PAH: variants seen among roughly 807,000 people sequenced by gnomAD.
PAH encodes phenylalanine hydroxylase.
In PAH, 64 loss-of-function variants were observed where a neutral mutation model predicts 62.0. The observed-to-expected ratio is 1.03, with a 90% CI of 0.84 to 1.27. The LOEUF is 1.27. Ranked by LOEUF, PAH falls within the 50% of genes most tolerant of loss-of-function variation. The pLI is 0.00. For missense variants in PAH, 579 were observed against 542.8 expected, an observed-to-expected ratio of 1.07 and a Z score of -0.66; for synonymous variants, 195 against 196.2, an observed-to-expected ratio of 0.99 and a Z score of 0.05.
intron 6 of PAH, among the ~76,000 whole-genome samples, chr12:102,853,620 A>G (rs1177415814): frequency 6.6e-6 from 1 of 152,226 alleles, no homozygotes; most frequent in Non-Finnish European, 1.5e-5. Context: ...AATATTAGCA[A>G]GTCCATTTGT....
At chr12:102,897,315 C>T (rs1266934577) in intron 2 of PAH, among the ~76,000 whole-genome samples, 2 of 151,942 alleles carry the variant, frequency 1.3e-5, no homozygotes, top group African/African-American at 4.8e-5. Flanking sequence ...CTGCTGATGA[C>T]ACTAAACATT....
intron 1 of PAH, among the ~76,000 whole-genome samples, chr12:102,948,821 G>T (rs1330211158): frequency 6.6e-6 from 1 of 152,172 alleles, no homozygotes; most frequent in Non-Finnish European, 1.5e-5. Flanking sequence ...GATTTGGTGG[G>T]TCTGGGATAA....
At chr12:102,933,112 C>T (rs531773490) in intron 1 of PAH, among the ~76,000 whole-genome samples, 11 of 152,302 alleles carry the variant, frequency 7.2e-5, no homozygotes, top group Non-Finnish European at 1.6e-4. Context: ...TAACCATCCA[C>T]GCTTTCACCA....
rs2136663312 is a variant in PAH at position 102,866,631 on chromosome 12, C to T, written c.474G>A (p.Arg158=). 1 of 1,613,844 alleles carries T rather than the reference C, an allele frequency of 6.2e-7. No homozygotes were observed. The highest frequency in any genetic ancestry group is 8.5e-7 in the Non-Finnish European group (1 of 1,179,798). ...TGTAGGCAATGTCAGCAAACTGCTT[C>T]CGTCTTGCACGGTACACAGGATCTT... ...GFKDPVYRAR[R]KQFADIAYNY... The change falls in exon 5 of 13, where the codon CGG becomes CGA. Residue 158 remains arginine (R), a synonymous_variant. Coordinates refer to ENST00000553106, the MANE Select transcript of PAH (RefSeq NM_000277.3).
At chr12:102,937,129 C>T (rs1357891727) in intron 1 of PAH, among the ~76,000 whole-genome samples, 2 of 152,178 alleles carry the variant, frequency 1.3e-5, no homozygotes, top group African/African-American at 4.8e-5. Context: ...CCCAAGGCCT[C>T]CCCAGCCCTG....
Position 102,941,004 on chromosome 12 carries a change from T to A in PAH, c.-96+9585A>T, listed in dbSNP as rs188077937. Among the ~76,000 whole-genome samples, 399 of 152,208 alleles carry A rather than the reference T, an allele frequency of 2.6e-3. 3 individuals are homozygous for A. Among genetic ancestry groups the A allele is most frequent in the African/African-American group, 8.2e-3 (339 of 41,546 alleles). The stretch of plus-strand genomic sequence containing the variant: ...CAGAAGCCCTACAAACCAGAAGAGA[T>A]TGGGGATCTATATTCAGCATTCCTA... On this transcript the variant is annotated intron_variant, in intron 1 of 3. Transcript: ENST00000546844.
intron 1 of PAH, among the ~76,000 whole-genome samples, chr12:102,933,436 G>C (rs1431652089): frequency 6.6e-6 from 1 of 151,984 alleles, no homozygotes; most frequent in Non-Finnish European, 1.5e-5. Context: ...CAATAAACAT[G>C]GGCATGCAGA....
chr12:102,900,888 G>T (rs1289862753), intron 2 of PAH, among the ~76,000 whole-genome samples: 1 of 152,098 alleles, frequency 6.6e-6, no homozygotes, highest in Non-Finnish European at 1.5e-5. Flanking sequence ...CTCCAAGTGG[G>T]CATCTCGGGG....
intron 8 of PAH, among the ~76,000 whole-genome samples, chr12:102,851,103 AG>A (rs1233673237): frequency 4.6e-5 from 7 of 151,070 alleles, no homozygotes; most frequent in African/African-American, 7.3e-5. Context: ...GAAAAAAAAA[AG>A]AAAGAAAAAG....
chr12:102,860,871 C>T (rs1875683631), intron 5 of PAH, among the ~76,000 whole-genome samples: 2 of 152,038 alleles, frequency 1.3e-5, no homozygotes, highest in Admixed American at 6.6e-5. Context: ...GACCTAAAAC[C>T]ATAAAAACCC....
chr12:102,918,856 A>G (rs1325056272), upstream of PAH, among the ~76,000 whole-genome samples: 1 of 152,240 alleles, frequency 6.6e-6, no homozygotes, highest in East Asian at 1.9e-4. Flanking sequence ...TAGTAGACAT[A>G]AAACATGTTG....
rs552899970 is a variant in PAH, at chr12:102,949,677, G to A, written c.-96+912C>T. Among the ~76,000 whole-genome samples, 12 of 152,284 alleles carry A rather than the reference G, an allele frequency of 7.9e-5. No homozygotes were observed. The South Asian group carries it at 2.3e-3, about 29-fold the overall frequency. On this transcript the variant is annotated intron_variant, in intron 1 of 3. Coordinates refer to the PAH transcript ENST00000546844. ...TGTTATATAGGAGAAGCTTAGGGGT[G>A]ACCATCTGGTTGGGGAAGAGGGGCT... is the stretch of plus-strand genomic sequence containing the variant.
intron 4 of PAH, among the ~76,000 whole-genome samples, chr12:102,876,020 G>A (rs778726330): frequency 1.3e-4 from 20 of 149,250 alleles, no homozygotes; most frequent in Non-Finnish European, 2.1e-4. Flanking sequence ...GATTATTTTA[G>A]AATAGTGTGA....
chr12:102,843,298 AG>A (rs1486131144), intron 11 of PAH, among the ~76,000 whole-genome samples: 1 of 152,152 alleles, frequency 6.6e-6, no homozygotes, highest in Non-Finnish European at 1.5e-5. Flanking sequence ...CAAATTTTGT[AG>A]GTGTTTGGGA....
rs1402778200 is a variant in PAH, at chr12:102,860,279, G to C, written c.510-4947C>G. Among the ~76,000 whole-genome samples, 3 of 152,198 alleles carry C rather than the reference G, an allele frequency of 2.0e-5. No homozygotes were observed. In the East Asian group the frequency reaches 5.8e-4, roughly 29 times the overall value. ...TAGGAATCCAACTTACAAGGGATGT[G>C]AAGGACCTCTTCAAGGAGAACTTGT... is the stretch of plus-strand genomic sequence containing the variant. On this transcript the variant is annotated intron_variant, in intron 5 of 12. Transcript: ENST00000553106.
chr12:102,949,710 AT>A (rs1482299550), intron 1 of PAH, among the ~76,000 whole-genome samples: 1 of 152,174 alleles, frequency 6.6e-6, no homozygotes, highest in Non-Finnish European at 1.5e-5. Flanking sequence ...GCTGGATGAC[AT>A]TAGGATGTGT....
intron 5 of PAH, among the ~76,000 whole-genome samples, chr12:102,864,328 G>C (rs1347739333): frequency 6.6e-6 from 1 of 152,132 alleles, no homozygotes; most frequent in Non-Finnish European, 1.5e-5. Context: ...TTCTGATTCT[G>C]CTTTTCTGCA....
intron 5 of PAH, among the ~76,000 whole-genome samples, chr12:102,860,021 A>G (rs546448471): frequency 6.8e-6 from 1 of 147,584 alleles, no homozygotes; most frequent in South Asian, 2.1e-4. Context: ...TTCAATTAGG[A>G]AAAGAGGAAA....
chr12:102,838,094 C>T lies in PAH; in HGVS notation c.*1081G>A, dbSNP rs1025574766. On this transcript the variant is annotated 3_prime_UTR_variant, in exon 13 of 13. Transcript: ENST00000553106. ...GCTACAAAGATATTGTTTTTTTTCT[C>T]CCCACTGCTTCTCAGATATTCATGT... is the stretch of plus-strand genomic sequence containing the variant. The T allele has an allele frequency of 2.0e-5, 3 of 151,948 alleles. No individual in the cohort carries two copies. Among genetic ancestry groups the T allele is most frequent in the African/African-American group, 7.2e-5 (3 of 41,398 alleles). The allele number at this position is 151,948 out of a possible 1,614,324, so 9.4% of individuals were successfully genotyped here.
Sources: allele counts gnomAD v4.1 joint callset (sites outside exome capture counted in the v4.1 genomes callset), GRCh38; gene constraint gnomAD v4.1.1; transcripts MANE v1.5; gene names NCBI Gene and HGNC (gene_info 2026-07-23, HGNC 2026-07-21).